SHTN1: variants seen among roughly 807,000 people sequenced by gnomAD.
SHTN1 encodes the protein shootin-1.
Under a neutral mutation model 83.1 loss-of-function variants are expected in SHTN1, and 42 were observed. The observed-to-expected ratio is 0.51, with a 90% CI of 0.39 to 0.65. SHTN1 has a LOEUF of 0.65. SHTN1 is among the 30% of genes least tolerant of loss of function. SHTN1 has a pLI of 0.00. For synonymous variants in SHTN1, 224 were observed against 247.7 expected (o/e 0.90, Z 0.90); for missense variants, 622 against 737.8 (o/e 0.84, Z 1.82).
chr10:117,119,864 C>G (rs1490936913), intron 1 of SHTN1, among the ~76,000 whole-genome samples: 5 of 151,948 alleles, frequency 3.3e-5, no homozygotes, highest in Admixed American at 3.3e-4. Context: ...AAATAAGATC[C>G]TGTCATTTGC....
At chr10:116,909,942 G>A (rs1467335273) in intron 14 of SHTN1, among the ~76,000 whole-genome samples, 6 of 151,990 alleles carry the variant, frequency 3.9e-5, no homozygotes, top group Non-Finnish European at 7.4e-5. Flanking sequence ...CAGGCTTTTC[G>A]TGTTCCATCT....
At chr10:117,090,383 T>C (rs1045839570) in intron 1 of SHTN1, among the ~76,000 whole-genome samples, 3 of 152,042 alleles carry the variant, frequency 2.0e-5, no homozygotes, top group African/African-American at 4.8e-5. Context: ...AAAGTAGAAT[T>C]TGGTCGTCAG....
chr10:117,108,170 TATTA>T (rs1853699225), intron 1 of SHTN1, among the ~76,000 whole-genome samples: 1 of 152,112 alleles, frequency 6.6e-6, no homozygotes, highest in South Asian at 2.1e-4. Flanking sequence ...AAAAAGGACA[TATTA>T]ACTACCATTT....
At chr10:116,982,902 G>A (rs1205104573) in intron 1 of SHTN1, among the ~76,000 whole-genome samples, 1 of 151,914 alleles carries the variant, frequency 6.6e-6, no homozygotes, top group Non-Finnish European at 1.5e-5. Flanking sequence ...GGCGGAGGTT[G>A]CAGTGAGCCG....
At position 116,924,314 on chromosome 10, in the gene SHTN1, C is replaced by T. The variant is rs1036759299; in HGVS notation, c.1113-2798G>A. 3.3e-5 allele frequency among the ~76,000 whole-genome samples: 5 copies of T among 150,834 alleles called. No homozygotes were observed. The South Asian group carries it at 1.0e-3, about 31-fold the overall frequency. On this transcript the variant is annotated intron_variant, in intron 11 of 16. Coordinates refer to ENST00000355371, the MANE Select transcript of SHTN1 (RefSeq NM_001127211.3). ...CCCTTGCACCACACTCTGCACTGAC[C>T]TCGCCTCTCGTTCTGTGAGATTTTG...
chr10:117,051,096 A>G (rs1852734026), intron 1 of SHTN1, among the ~76,000 whole-genome samples: 1 of 152,214 alleles, frequency 6.6e-6, no homozygotes, highest in Non-Finnish European at 1.5e-5. Context: ...GTTTACATAA[A>G]TAAAAGGATT....
At chr10:116,896,802 T>C (rs1429197403) in intron 16 of SHTN1, among the ~76,000 whole-genome samples, 2 of 122,868 alleles carry the variant, frequency 1.6e-5, no homozygotes, top group African/African-American at 7.8e-5. Flanking sequence ...GATCAGGTAC[T>C]TTTTTTTTTT....
intron 2 of SHTN1, among the ~76,000 whole-genome samples, chr10:116,970,008 T>G (rs1162129080): frequency 2.0e-5 from 3 of 152,216 alleles, no homozygotes; most frequent in African/African-American, 7.2e-5. Flanking sequence ...CATATAAATA[T>G]ATAGGAATTT....
At chr10:116,996,328 A>G (rs1401688688) in intron 1 of SHTN1, among the ~76,000 whole-genome samples, 1 of 152,174 alleles carries the variant, frequency 6.6e-6, no homozygotes, top group Non-Finnish European at 1.5e-5. Context: ...CTCCAAACTA[A>G]CATTTCCAAT....
intron 15 of SHTN1, among the ~76,000 whole-genome samples, 158 bp from the exon 16 acceptor site, chr10:116,902,115 C>A (rs896527415): frequency 6.6e-6 from 1 of 152,184 alleles, no homozygotes; most frequent in Non-Finnish European, 1.5e-5. Flanking sequence ...GAAATCTGCT[C>A]TGCTTTCGTG....
chr10:117,073,480 G>C (rs1272734828), intron 1 of SHTN1, among the ~76,000 whole-genome samples: 1 of 152,196 alleles, frequency 6.6e-6, no homozygotes, highest in African/African-American at 2.4e-5. Context: ...GTAAGTGGCT[G>C]AGCCACTTAA....
intron 2 of SHTN1, among the ~76,000 whole-genome samples, chr10:117,029,043 G>A (rs1852369087): frequency 6.6e-6 from 1 of 152,180 alleles, no homozygotes; most frequent in African/African-American, 2.4e-5. Context: ...CAGCCACCAA[G>A]GCCAAAACTC....
chr10:117,044,888 CT>C (rs1852639236), intron 2 of SHTN1, among the ~76,000 whole-genome samples: 1 of 152,122 alleles, frequency 6.6e-6, no homozygotes, highest in Admixed American at 6.5e-5. Flanking sequence ...AAGGATGTTT[CT>C]GAGCAATTTG....
chr10:117,020,534 C>A (rs980688118), intron 2 of SHTN1, among the ~76,000 whole-genome samples: 2 of 150,240 alleles, frequency 1.3e-5, no homozygotes, highest in African/African-American at 4.9e-5. Flanking sequence ...ATAAAGTCAT[C>A]TTATTTTCAA....
At chr10:117,029,720 C>G (rs138597549) in intron 2 of SHTN1, among the ~76,000 whole-genome samples, 51 of 152,098 alleles carry the variant, frequency 3.4e-4, no homozygotes, top group African/African-American at 1.2e-3. Context: ...GTGCTGGCTC[C>G]CCCATCGCTT....
chr10:117,001,077 T>A (rs1458337257), intron 1 of SHTN1, among the ~76,000 whole-genome samples: 1 of 151,920 alleles, frequency 6.6e-6, no homozygotes, highest in Non-Finnish European at 1.5e-5. Flanking sequence ...AAATATCCAC[T>A]TTAGTAGCTA....
In SHTN1 at chr10:117,046,862, T is replaced by C. The variant is rs11197873; in HGVS notation, c.-123+1583A>G. Among the ~76,000 whole-genome samples the C allele has an allele frequency of 9.4e-3, 1,432 of 152,132 alleles. 21 individuals carry two copies. The highest frequency in any genetic ancestry group is 0.033 in the African/African-American group (1,359 of 41,478). ...GCTGGGGAAAAGAGGGAATGAGAAATGACTGAGAGTGGGTATGGGGTTTCT... is the reference window on the plus strand; with the variant it reads ...GCTGGGGAAAAGAGGGAATGAGAAACGACTGAGAGTGGGTATGGGGTTTCT... On this transcript the variant is annotated intron_variant, in intron 2 of 17. Transcript: ENST00000392901.
At chr10:116,994,355 GAATT>G (rs1176277079) in intron 1 of SHTN1, among the ~76,000 whole-genome samples, 1 of 152,048 alleles carries the variant, frequency 6.6e-6, no homozygotes, top group African/African-American at 2.4e-5. Context: ...AACAAAAGTT[GAATT>G]AATTTATTAC....
chr10:117,060,054 T>A (rs910935776), intron 1 of SHTN1, among the ~76,000 whole-genome samples: 17 of 151,642 alleles, frequency 1.1e-4, no homozygotes, highest in African/African-American at 3.6e-4. Flanking sequence ...CTAAAAAAAA[T>A]TTTTTTTAAT....
Sources: gnomAD v4.1 joint callset for allele counts (sites outside exome capture counted in the v4.1 genomes callset) on GRCh38, gnomAD v4.1.1 for gene constraint, MANE v1.5 for transcripts, NCBI Gene and HGNC (gene_info 2026-07-23, HGNC 2026-07-21) for gene names.